The following BARHL2 variants were observed in gnomAD, a reference collection of about 807,000 sequenced individuals.
The protein encoded by BARHL2 is barH-like 2 homeobox protein.
Under a neutral mutation model 27.1 loss-of-function variants are expected in BARHL2, and 10 were observed. The observed-to-expected ratio is 0.37, with a 90% confidence interval of 0.23 to 0.63. BARHL2 has a LOEUF of 0.63. Among genes scored for constraint, BARHL2 ranks in the 20% least tolerant of loss-of-function variants. The probability of loss-of-function intolerance (pLI) is 0.65; values close to 1 mark genes in which losing one functional copy is unlikely to be tolerated. For missense variants in BARHL2, 483 were observed against 533.5 expected (o/e 0.91, Z 0.93); for synonymous variants, 248 against 224.7 (o/e 1.10, Z -0.93).
chr1:90,717,173 C>T lies in BARHL2; in HGVS notation c.23G>A (p.Gly8Glu). The T allele has an allele frequency of 6.2e-7, 1 of 1,613,200 alleles. No homozygotes were observed. Among genetic ancestry groups the T allele is most frequent in the Non-Finnish European group, 8.5e-7 (1 of 1,179,766 alleles). ...AATCGTGTCTATTCCAAAACTCGACCCGCTGGCCCCTTCCATTGTCATTGC... is the reference window on the plus strand; with the variant it reads ...AATCGTGTCTATTCCAAAACTCGACTCGCTGGCCCCTTCCATTGTCATTGC... MTMEGAS[G>E]SSFGIDTILS... Residue 8 changes from glycine (G) to glutamate (E), a missense_variant, in exon 1 of 3, where the codon GGG becomes GAG. By Grantham distance (98) the Gly-to-Glu change is moderately conservative (BLOSUM62 -2). Transcript: ENST00000370445.
At position 90,714,724 on chromosome 1, in the gene BARHL2, T is replaced by C. The variant is rs775343530; in HGVS notation, c.658A>G (p.Ser220Gly). The C allele has an allele frequency of 1.9e-6, 3 of 1,614,198 alleles. No individual in the cohort carries two copies. In the Admixed American group the frequency reaches 5.0e-5, roughly 27 times the overall value. Residue 220 changes from serine (S) to glycine (G), a missense_variant, in exon 2 of 3, where the codon AGT (serine) becomes GGT (glycine). Ser to Gly is a moderately conservative substitution (Grantham distance 56). Transcript: ENST00000370445. ...CTCACAGGGGGACTCTCACGGCTAC[T>C]CGTAATCTCCCGGTCTCCTTCCTCC... ...TKEEGDREIT[S>G]SRESPPVRAK...
rs1355086471 is a variant in BARHL2, at chr1:90,717,128, C to T, written c.68G>A (p.Gly23Asp). 1.2e-6 allele frequency: 2 copies of T among 1,613,746 alleles called. No homozygotes were observed. Among genetic ancestry groups the T allele is most frequent in the South Asian group, 2.2e-5 (2 of 91,012 alleles). Residue 23 changes from glycine to aspartate, a missense_variant, in exon 1 of 3, where the codon GGC (glycine) becomes GAC (aspartate). By Grantham distance (94) the Gly-to-Asp change is moderately conservative (BLOSUM62 -1). Coordinates refer to ENST00000370445, the MANE Select transcript of BARHL2 (RefSeq NM_020063.2). Reference protein sequence around the residue: ...IDTILSSASSGSPGMMNGDFR... With the variant: ...IDTILSSASSDSPGMMNGDFR... ...ATCTCCATTCATCATGCCTGGGCTGCCTGAACTGGCACTGGACAAAATCGT... is the reference window on the plus strand; with the variant it reads ...ATCTCCATTCATCATGCCTGGGCTGTCTGAACTGGCACTGGACAAAATCGT...
At position 90,717,152 on chromosome 1, in the gene BARHL2, G is replaced by T. The variant is rs368872732; in HGVS notation, c.44C>A (p.Thr15Lys). ...GCCTGAACTGGCACTGGACAAAATCGTGTCTATTCCAAAACTCGACCCGCT... is the reference window on the plus strand; with the variant it reads ...GCCTGAACTGGCACTGGACAAAATCTTGTCTATTCCAAAACTCGACCCGCT... ...GASGSSFGID[T>K]ILSSASSGSP... Residue 15 changes from threonine (T) to lysine (K), a missense_variant, in exon 1 of 3, where the codon ACG (threonine) becomes AAG (lysine). By Grantham distance (78) the Thr-to-Lys change is moderately conservative. Transcript: ENST00000370445. 2 of 1,613,572 alleles carry T rather than the reference G, an allele frequency of 1.2e-6. No homozygotes were observed. The highest frequency in any genetic ancestry group is 1.7e-6 in the Non-Finnish European group (2 of 1,179,884).
rs748652602 is a variant in BARHL2 at position 90,714,607 on chromosome 1, C to G, written c.775G>C (p.Val259Leu). The G allele has an allele frequency of 6.2e-7, 1 of 1,614,118 alleles. No individual in the cohort carries two copies. The highest frequency in any genetic ancestry group is 8.5e-7 in the Non-Finnish European group (1 of 1,180,048). Residue 259 changes from valine to leucine, a missense_variant, in exon 2 of 3, where the codon GTG (valine) becomes CTG (leucine). Val to Leu is a conservative substitution (Grantham distance 32, BLOSUM62 1). Transcript: ENST00000370445. ...RSFERQKYLS[V>L]QDRMDLAAAL... The stretch of plus-strand genomic sequence containing the variant: ...GCAGCCAGGTCCATGCGATCCTGCA[C>G]GCTCAGGTACTTCTGCCGCTCAAAG...
chr1:90,713,667 A>G (rs1658083897), intron 2 of BARHL2, among the ~76,000 whole-genome samples: 1 of 152,160 alleles, frequency 6.6e-6, no homozygotes, highest in African/African-American at 2.4e-5. Context: ...GGAGAAAAGG[A>G]GGGGTAGAGA....
rs771734857 is a variant in BARHL2 at position 90,717,199 on chromosome 1, T to C, written c.-4A>G. ...CGCTGGCCCCTTCCATTGTCATTGC[T>C]ACATGAGGTCCACGCCACTCCGCCG... On this transcript the variant is annotated 5_prime_UTR_variant, in exon 1 of 3. It removes the in-frame stop codon of an upstream open reading frame in the 5' UTR. Coordinates refer to ENST00000370445, the MANE Select transcript of BARHL2 (RefSeq NM_020063.2). 1.2e-6 allele frequency: 2 copies of C among 1,611,326 alleles called. No homozygotes were observed. The highest frequency in any genetic ancestry group is 1.3e-5 in the African/African-American group (1 of 74,486).
chr1:90,712,467 T>G lies in BARHL2; in HGVS notation c.1009A>C (p.Met337Leu). The G allele has an allele frequency of 6.2e-7, 1 of 1,612,614 alleles. No homozygotes were observed. Among genetic ancestry groups the G allele is most frequent in the Non-Finnish European group, 8.5e-7 (1 of 1,179,648 alleles). Residue 337 changes from methionine (M) to leucine (L), a missense_variant, in exon 3 of 3, where the codon ATG becomes CTG. Met to Leu is a conservative substitution (Grantham distance 15, BLOSUM62 2). This residue lies in a region of BARHL2 where 130 missense variants were observed against 138.0 expected (regional missense o/e 0.94). Transcript: ENST00000370445. ...GGAGTCCGGTACATGCTGCTGTACATGGCAGCGGCAGCCGCCGCCGCCGTA... is the reference window on the plus strand; with the variant it reads ...GGAGTCCGGTACATGCTGCTGTACAGGGCAGCGGCAGCCGCCGCCGCCGTA... Reference protein sequence around the residue: ...STTAAAAAAAMYSSMYRTPPA... With the variant: ...STTAAAAAAALYSSMYRTPPA...
chr1:90,712,735 G>T, intron 2 of BARHL2, 111 bp from the exon 3 acceptor site: 2 of 1,145,018 alleles, frequency 1.7e-6, no homozygotes, highest in Non-Finnish European at 2.4e-6. Context: ...CTCCCTGGGT[G>T]GCAGGAAGAC....
At position 90,714,071 on chromosome 1, in the gene BARHL2, C is replaced by T. The variant is rs150032532; in HGVS notation, c.851+460G>A. On this transcript the variant is annotated intron_variant, in intron 2 of 2. Coordinates refer to ENST00000370445, the MANE Select transcript of BARHL2 (RefSeq NM_020063.2). Reference sequence around the variant, plus strand: ...CAGGCCAAAGCAAGGACATTTACGCCGAGGCTGGTGGGACAGCTCTGTGGG... The same window carrying T: ...CAGGCCAAAGCAAGGACATTTACGCTGAGGCTGGTGGGACAGCTCTGTGGG... Among the ~76,000 whole-genome samples the T allele has an allele frequency of 2.9e-3, 443 of 152,316 alleles. 1 individual carries two copies. The highest frequency in any genetic ancestry group is 6.8e-3 in the Middle Eastern group (2 of 294).
chr1:90,712,576 C>T lies in BARHL2; in HGVS notation c.900G>A (p.Glu300=), dbSNP rs750040332. The T allele has an allele frequency of 6.2e-7, 1 of 1,613,362 alleles. No homozygotes were observed. Among genetic ancestry groups the T allele is most frequent in the Admixed American group, 1.7e-5 (1 of 59,990 alleles). ...TCTGCAGCGCCGAGTAGTTCCCTGC[C>T]TCGGCCAGCAACTCCAGGCCCACCG... is the stretch of plus-strand genomic sequence containing the variant. The part of the protein sequence containing the change: ...QTAVGLELLA[E]AGNYSALQRM... Residue 300 remains glutamate, a synonymous_variant, in exon 3 of 3, where the codon GAG becomes GAA. Coordinates refer to ENST00000370445, the MANE Select transcript of BARHL2 (RefSeq NM_020063.2).
intron 1 of BARHL2, 59 bp downstream of exon 1, chr1:90,716,512 G>A (rs1271924739): frequency 1.7e-5 from 27 of 1,548,686 alleles, no homozygotes; most frequent in South Asian, 4.5e-5. Context: ...GGCTGAAGGG[G>A]AGATTGGGAA....
In BARHL2 at chr1:90,716,826, G is replaced by C; in HGVS notation, c.370C>G (p.Pro124Ala). 1 of 1,546,532 alleles carries C rather than the reference G, an allele frequency of 6.5e-7. No individual in the cohort carries two copies. Residue 124 changes from proline (P) to alanine (A), a missense_variant, in exon 1 of 3, where the codon CCC becomes GCC. By Grantham distance (27) the Pro-to-Ala change is conservative. Transcript: ENST00000370445. ...PLPPQQPPPPPPQQLGSAASA... is the reference protein window; with the variant it reads ...PLPPQQPPPPAPQQLGSAASA... The stretch of plus-strand genomic sequence containing the variant: ...GCGGCCGAGCCCAGCTGCTGGGGGG[G>C]CGGCGGCGGCGGCTGCTGTGGCGGC...
chr1:90,715,338 A>C (rs538154907), intron 1 of BARHL2, among the ~76,000 whole-genome samples: 2 of 152,166 alleles, frequency 1.3e-5, no homozygotes, highest in African/African-American at 4.8e-5. Context: ...CTTCACAAAG[A>C]ATATGTCACC....
Position 90,717,235 on chromosome 1 carries a change from G to A in BARHL2, c.-40C>T, listed in dbSNP as rs757244422. 6.3e-6 allele frequency: 10 copies of A among 1,576,328 alleles called. No homozygotes were observed. The highest frequency in any genetic ancestry group is 5.9e-5 in the Admixed American group (3 of 50,996). On this transcript the variant is annotated 5_prime_UTR_variant, in exon 1 of 3. Coordinates refer to ENST00000370445, the MANE Select transcript of BARHL2 (RefSeq NM_020063.2). ...CACGCCACTCCGCCGTTCAGCAGCCGCCCCGAACCAGCGAAGAAAGCTATC... is the reference window on the plus strand; with the variant it reads ...CACGCCACTCCGCCGTTCAGCAGCCACCCCGAACCAGCGAAGAAAGCTATC...
Position 90,712,244 on chromosome 1 carries a change from G to A in BARHL2, c.*68C>T. 1 of 1,398,174 alleles carries A rather than the reference G, an allele frequency of 7.2e-7. No homozygotes were observed. Among genetic ancestry groups the A allele is most frequent in the Non-Finnish European group, 9.3e-7 (1 of 1,069,862 alleles). 86.6% of individuals were successfully genotyped at this position (1,398,174 alleles called of 1,614,324 possible). On this transcript the variant is annotated 3_prime_UTR_variant, in exon 3 of 3. Coordinates refer to ENST00000370445, the MANE Select transcript of BARHL2 (RefSeq NM_020063.2). ...GGCCTAGTGGCCTGGAGCAGGGAGA[G>A]GACGGGCAGCAGTCCGGGTTGGGCA...
At position 90,716,834 on chromosome 1, in the gene BARHL2, G is replaced by T. The variant is rs746880153; in HGVS notation, c.362C>A (p.Pro121Gln). ...GCCCAGCTGCTGGGGGGGCGGCGGCGGCGGCTGCTGTGGCGGCAGCGGCTG... is the reference window on the plus strand; with the variant it reads ...GCCCAGCTGCTGGGGGGGCGGCGGCTGCGGCTGCTGTGGCGGCAGCGGCTG... Reference protein sequence around the residue: ...QQQPLPPQQPPPPPPQQLGSA... With the variant: ...QQQPLPPQQPQPPPPQQLGSA... Residue 121 changes from proline to glutamine, a missense_variant, in exon 1 of 3, where the codon CCG (proline) becomes CAG (glutamine). Physicochemically the swap from Pro to Gln is moderately conservative, Grantham distance 76. This residue lies in a region of BARHL2 where 304 missense variants were observed against 284.9 expected (regional missense o/e 1.07). Coordinates refer to ENST00000370445, the MANE Select transcript of BARHL2 (RefSeq NM_020063.2). The T allele has an allele frequency of 1.3e-6, 2 of 1,553,994 alleles. No homozygotes were observed. The highest frequency in any genetic ancestry group is 8.7e-7 in the Non-Finnish European group (1 of 1,148,846).
intron 1 of BARHL2, 88 bp downstream of exon 1, chr1:90,716,483 C>T (rs1183955690): frequency 7.2e-7 from 1 of 1,397,948 alleles, no homozygotes; most frequent in Non-Finnish European, 1.0e-6. Flanking sequence ...GAATCGCTCC[C>T]CAGCAGAGAT....
At chr1:90,713,309 T>C (rs1456895829) in intron 2 of BARHL2, among the ~76,000 whole-genome samples, 1 of 152,296 alleles carries the variant, frequency 6.6e-6, no homozygotes, top group Middle Eastern at 3.4e-3. Flanking sequence ...TGGGGGTGAA[T>C]GCATTTCAAG....
chr1:90,716,865 G>A lies in BARHL2; in HGVS notation c.331C>T (p.Gln111Ter). 6.4e-7 allele frequency: 1 copy of A among 1,566,722 alleles called. No individual in the cohort carries two copies. The highest frequency in any genetic ancestry group is 8.6e-7 in the Non-Finnish European group (1 of 1,156,874). Reference protein sequence around the residue: ...PTQSLQPLPQQQQPLPPQQPP... With the variant: ...PTQSLQPLPQ ...TGCTGTGGCGGCAGCGGCTGCTGCT[G>A]TTGGGGCAAAGGCTGCAAACTTTGC... is the stretch of plus-strand genomic sequence containing the variant. The change falls in exon 1 of 3, where the codon CAG becomes TAG. Residue 111 changes from glutamine (Q) to a stop codon, truncating the protein, a stop_gained. Transcript: ENST00000370445. LOFTEE classifies it high-confidence loss of function.
Sources: allele counts gnomAD v4.1 joint callset (sites outside exome capture counted in the v4.1 genomes callset), GRCh38; gene constraint gnomAD v4.1.1; regional missense constraint gnomAD v4.1.1; transcripts MANE v1.5; gene names NCBI Gene and HGNC (gene_info 2026-07-23, HGNC 2026-07-21).